The following PLCG2 variants were observed in gnomAD, a reference collection of about 807,000 sequenced individuals.
The protein encoded by PLCG2 is phospholipase C gamma 2.
A neutral mutation model predicts 175.6 loss-of-function variants in PLCG2; 69 were observed. That is an observed-to-expected ratio of 0.39 (90% CI 0.32 to 0.48). The LOEUF is 0.48. Ranked by LOEUF, PLCG2 falls within the 20% of genes least tolerant of loss-of-function variation. The pLI is 0.91. For synonymous variants in PLCG2, 827 were observed against 624.0 expected, an observed-to-expected ratio of 1.33 and a Z score of -4.85; for missense variants, 1,798 against 1,650.9, an observed-to-expected ratio of 1.09 and a Z score of -1.54.
intron 1 of PLCG2, among the ~76,000 whole-genome samples, chr16:81,744,846 A>G (rs1326899060): frequency 2.0e-5 from 3 of 152,172 alleles, no homozygotes; most frequent in Admixed American, 6.5e-5. Context: ...GATTACAGAC[A>G]TGAGCTACTG....
chr16:81,755,743 C>G (rs1424252094), intron 1 of PLCG2: 1 of 152,156 alleles, frequency 6.6e-6, no homozygotes, highest in Non-Finnish European at 1.5e-5. Context: ...CCAGGCTAGT[C>G]TCCAATTCCT....
At chr16:81,909,584 C>G (rs28481521) in intron 17 of PLCG2, among the ~76,000 whole-genome samples, 1 of 152,020 alleles carries the variant, frequency 6.6e-6, no homozygotes, top group Non-Finnish European at 1.5e-5. Flanking sequence ...ACCTGAATAA[C>G]TTTTAAATTT....
At chr16:81,898,450 G>A (rs1395993658) in intron 13 of PLCG2, 1 of 152,220 alleles carries the variant, frequency 6.6e-6, no homozygotes, top group African/African-American at 2.4e-5. Flanking sequence ...GATCAGGATC[G>A]GGGAGTGAGC....
At chr16:81,769,010 C>T (rs991567864) in intron 2 of PLCG2, among the ~76,000 whole-genome samples, 1 of 152,170 alleles carries the variant, frequency 6.6e-6, no homozygotes, top group Non-Finnish European at 1.5e-5. Context: ...TAGTAACTGA[C>T]ATGTGGTAGG....
At chr16:81,929,726 C>G (rs1040651608) in intron 24 of PLCG2, among the ~76,000 whole-genome samples, 1 of 152,194 alleles carries the variant, frequency 6.6e-6, no homozygotes, top group Non-Finnish European at 1.5e-5. Context: ...TGCTTCTTTA[C>G]CTTTACAATG....
intron 2 of PLCG2, among the ~76,000 whole-genome samples, chr16:81,836,198 G>C (rs1170677886): frequency 6.6e-6 from 1 of 152,128 alleles, no homozygotes; most frequent in Non-Finnish European, 1.5e-5. Flanking sequence ...TGACACAGCT[G>C]ACCCAATCCC....
chr16:81,764,792 C>T (rs1647606609), intron 2 of PLCG2, among the ~76,000 whole-genome samples: 1 of 152,108 alleles, frequency 6.6e-6, no homozygotes, highest in Non-Finnish European at 1.5e-5. Context: ...CATTAGGGTA[C>T]ATCCTAAATT....
At position 81,955,470 on chromosome 16, in the gene PLCG2, C is replaced by A. The variant is rs562171968; in HGVS notation, c.3571-1225C>A. On this transcript the variant is annotated intron_variant, in intron 31 of 32. Transcript: ENST00000564138. ...TGAGGCAAAACATCCTCATCCTCCC[C>A]CTGCATTGAAACCCAAACTCCCTAC... 2.0e-5 allele frequency among the ~76,000 whole-genome samples: 3 copies of A among 152,338 alleles called. No individual in the cohort carries two copies. The South Asian group carries it at 6.2e-4, about 32-fold the overall frequency.
chr16:81,741,347 A>G (rs1309505643), intron 1 of PLCG2, among the ~76,000 whole-genome samples: 1 of 152,222 alleles, frequency 6.6e-6, no homozygotes, highest in Admixed American at 6.5e-5. Context: ...AGGAAGTAGA[A>G]TCGCTTCTAT....
At chr16:81,758,524 C>G (rs527875433) in intron 2 of PLCG2, among the ~76,000 whole-genome samples, 3 of 152,084 alleles carry the variant, frequency 2.0e-5, no homozygotes, top group African/African-American at 7.2e-5. Flanking sequence ...TAGGAGTGGC[C>G]TTGCTGAGTC....
chr16:81,932,422 C>T (rs772962491), intron 25 of PLCG2, among the ~76,000 whole-genome samples: 4 of 152,198 alleles, frequency 2.6e-5, no homozygotes, highest in Admixed American at 6.5e-5. Context: ...GGAGTAAGGG[C>T]TGTCTGTTCT....
intron 13 of PLCG2, among the ~76,000 whole-genome samples, chr16:81,899,097 G>T (rs1304665053): frequency 6.6e-6 from 1 of 152,124 alleles, no homozygotes; most frequent in East Asian, 1.9e-4. Context: ...GCTGAGGCAG[G>T]AGAATTGCTT....
chr16:81,861,293 G>T (rs1906968554), intron 5 of PLCG2, among the ~76,000 whole-genome samples: 1 of 152,156 alleles, frequency 6.6e-6, no homozygotes, highest in African/African-American at 2.4e-5. Flanking sequence ...ACTAAACTCT[G>T]TCAGCTCTCT....
chr16:81,771,237 T>G (rs1422836469), intron 2 of PLCG2, among the ~76,000 whole-genome samples: 1 of 152,120 alleles, frequency 6.6e-6, no homozygotes, highest in Non-Finnish European at 1.5e-5. Context: ...CTGACTTCTT[T>G]TTGTGTGTGA....
At chr16:81,824,080 TG>T (rs1260129259) in intron 2 of PLCG2, among the ~76,000 whole-genome samples, 1 of 143,832 alleles carries the variant, frequency 7.0e-6, no homozygotes, top group Admixed American at 7.0e-5. Flanking sequence ...TGTCCTGTCC[TG>T]TCCTGTCCTG....
At chr16:81,853,563 C>T (rs150594348) in intron 2 of PLCG2, among the ~76,000 whole-genome samples, 4 of 152,308 alleles carry the variant, frequency 2.6e-5, no homozygotes, top group Non-Finnish European at 4.4e-5. Context: ...CTGGATCCCT[C>T]GCATGCGTAG....
chr16:81,895,728 T>C, intron 12 of PLCG2, 79 bp from the exon 13 acceptor site: 3 of 1,528,946 alleles, frequency 2.0e-6, no homozygotes, highest in Non-Finnish European at 2.7e-6. Context: ...GTAACTGAAC[T>C]GGTGTGTGGG....
At chr16:81,940,744 G>C (rs1245970856) in intron 30 of PLCG2, among the ~76,000 whole-genome samples, 2 of 152,252 alleles carry the variant, frequency 1.3e-5, no homozygotes, top group Admixed American at 6.5e-5. Context: ...GAGGGGATTT[G>C]GGACCCTGCT....
upstream of PLCG2, among the ~76,000 whole-genome samples, chr16:81,775,482 T>C: frequency 6.6e-6 from 1 of 152,166 alleles, no homozygotes; most frequent in Non-Finnish European, 1.5e-5. Flanking sequence ...ATTCCTAAAA[T>C]AGTCAGCCTT....
Sources: gnomAD v4.1 joint callset for allele counts (sites outside exome capture counted in the v4.1 genomes callset) on GRCh38, gnomAD v4.1.1 for gene constraint, MANE v1.5 for transcripts, NCBI Gene and HGNC (gene_info 2026-07-23, HGNC 2026-07-21) for gene names.